Variants in MRPL55 observed in about 807,000 individuals in gnomAD.
MRPL55 encodes the protein large ribosomal subunit protein mL55.
A neutral mutation model predicts 10.6 loss-of-function variants in MRPL55; 7 were observed. That is an observed-to-expected ratio of 0.66 (90% CI 0.38 to 1.24). MRPL55 has a LOEUF of 1.24. MRPL55 is among the 50% of genes most tolerant of loss of function. MRPL55 has a pLI of 0.02. For synonymous variants in MRPL55, 57 were observed against 71.8 expected (o/e 0.79, Z 1.04); for missense variants, 148 against 180.3 (o/e 0.82, Z 1.03).
At position 228,108,237 on chromosome 1, in the gene MRPL55, A is replaced by G. The variant is rs2033410420; in HGVS notation, c.24T>C (p.Leu8=). 4 of 1,611,120 alleles carry G rather than the reference A, an allele frequency of 2.5e-6. No individual in the cohort carries two copies. The East Asian group carries it at 8.9e-5, about 36-fold the overall frequency. MAAVGSL[L]GRLRQSTVKA... is the part of the protein sequence containing the mutation. ...GGGACCTAAAAGTCCATGCTTACCC[A>G]AGCAGGCTGCCCACGGCCGCCATTC... Residue 8 remains leucine (L), a splice_region_variant and synonymous_variant, in exon 3 of 5, where the codon CTT becomes CTC. Transcript: ENST00000336520.
rs770978588 is a variant in MRPL55 at position 228,107,809 on chromosome 1, G to A, written c.87C>T (p.Ser29=). ...CCCTGCTGCTGTCAGCTCGCCAGGA[G>A]GATGTGTGCAGGCGGCGGAGTGCAG... The part of the protein sequence containing the change: ...TGPALRRLHT[S]SWRADSSRAS... The change falls in exon 4 of 5, where the codon TCC becomes TCT. Residue 29 remains serine, a synonymous_variant. Coordinates refer to ENST00000336520, the MANE Select transcript of MRPL55 (RefSeq NM_181463.3). 8.7e-6 allele frequency: 14 copies of A among 1,613,158 alleles called. No homozygotes were observed. In the Admixed American group the frequency reaches 1.5e-4, roughly 17 times the overall value.
Position 228,108,226 on chromosome 1 carries a change from C to T in MRPL55, c.26+9G>A. 1 of 1,610,524 alleles carries T rather than the reference C, an allele frequency of 6.2e-7. No individual in the cohort carries two copies. The highest frequency in any genetic ancestry group is 1.7e-5 in the Admixed American group (1 of 59,730). ...AGTAATCCCCAGGGACCTAAAAGTC[C>T]ATGCTTACCCAAGCAGGCTGCCCAC... On this transcript the variant is annotated intron_variant, in intron 3 of 4. Transcript: ENST00000336520.
At position 228,109,260 on chromosome 1, in the gene MRPL55, C is replaced by A. The variant is rs905053436; in HGVS notation, c.-237G>T. On this transcript the variant is annotated 5_prime_UTR_variant, in exon 1 of 5. Coordinates refer to ENST00000336520, the MANE Select transcript of MRPL55 (RefSeq NM_181463.3). The stretch of plus-strand genomic sequence containing the variant: ...GCCACGCAGGAGATCAAGGTACTCA[C>A]TGCGTTGGGTGCTGCTGCGCTGCAG... The A allele has an allele frequency of 2.0e-5, 3 of 152,528 alleles. No individual in the cohort carries two copies. Among genetic ancestry groups the A allele is most frequent in the African/African-American group, 7.2e-5 (3 of 41,478 alleles). The allele number at this position is 152,528 out of a possible 1,614,324, so 9.4% of individuals were successfully genotyped here.
chr1:228,108,418 T>A, intron 2 of MRPL55, 100 bp from the exon 3 acceptor site: 1 of 750,236 alleles, frequency 1.3e-6, no homozygotes, highest in South Asian at 1.9e-5. Flanking sequence ...AAGACACATG[T>A]AATCACCACG....
intron 4 of MRPL55, among the ~76,000 whole-genome samples, chr1:228,107,427 A>G (rs185089116): frequency 2.6e-5 from 4 of 152,312 alleles, no homozygotes; most frequent in Admixed American, 2.6e-4. Flanking sequence ...CTGTCTCAAA[A>G]AAATAAATTT....
intron 4 of MRPL55, among the ~76,000 whole-genome samples, chr1:228,107,145 T>C (rs1173871751): frequency 1.3e-5 from 2 of 152,262 alleles, no homozygotes; most frequent in Non-Finnish European, 2.9e-5. Context: ...CCAGGCATGA[T>C]GGCTCACTCA....
At chr1:228,107,979 G>T in intron 3 of MRPL55, 110 bp from the exon 4 acceptor site, 1 of 1,551,516 alleles carries the variant, frequency 6.4e-7, no homozygotes, top group Non-Finnish European at 8.7e-7. Flanking sequence ...GACATTACCA[G>T]AGCTGGTGAC....
chr1:228,107,823 G>C lies in MRPL55; in HGVS notation c.73C>G (p.Arg25Gly). ...TVKATGPALR[R>G]LHTSSWRADS... ...GCTCGCCAGGAGGATGTGTGCAGGC[G>C]GCGGAGTGCAGGTCCGGTGGCCTTC... The change falls in exon 4 of 5, where the codon CGC becomes GGC. Residue 25 changes from arginine to glycine, a missense_variant. Coordinates refer to ENST00000336520, the MANE Select transcript of MRPL55 (RefSeq NM_181463.3). 1 of 1,613,222 alleles carries C rather than the reference G, an allele frequency of 6.2e-7. No homozygotes were observed.
At chr1:228,108,703 G>A (rs1252560593) in intron 2 of MRPL55, 2 of 180,878 alleles carry the variant, frequency 1.1e-5, no homozygotes, top group African/African-American at 4.7e-5. Context: ...GCTTAAAGGA[G>A]AATGGAGGCC....
chr1:228,109,009 C>T lies in MRPL55; in HGVS notation c.-113G>A, dbSNP rs564381343. The stretch of plus-strand genomic sequence containing the variant: ...GGGTCTTCGGGGAAAGCTCCCTCTC[C>T]TTTCCTGCTAGACTGCATGGGGACA... On this transcript the variant is annotated 5_prime_UTR_variant, in exon 2 of 5. Transcript: ENST00000336520. 6.5e-6 allele frequency: 1 copy of T among 152,844 alleles called. No individual in the cohort carries two copies. Among genetic ancestry groups the T allele is most frequent in the East Asian group, 1.9e-4 (1 of 5,202 alleles). The allele number at this position is 152,844 out of a possible 1,614,324, so 9.5% of individuals were successfully genotyped here.
Position 228,107,786 on chromosome 1 carries a change from C to T in MRPL55, c.110G>A (p.Arg37Lys). The T allele has an allele frequency of 6.2e-7, 1 of 1,613,316 alleles. No homozygotes were observed. Among genetic ancestry groups the T allele is most frequent in the Non-Finnish European group, 8.5e-7 (1 of 1,180,042 alleles). The change falls in exon 4 of 5, where the codon AGG becomes AAG. Residue 37 changes from arginine to lysine, a missense_variant. Physicochemically the swap from Arg to Lys is conservative, Grantham distance 26. Transcript: ENST00000336520. The part of the protein sequence containing the change: ...HTSSWRADSS[R>K]ASLTRVHRQA... Reference sequence around the variant, plus strand: ...GCGGTGCACACGAGTGAGTGAGGCCCTGCTGCTGTCAGCTCGCCAGGAGGA... The same window carrying T: ...GCGGTGCACACGAGTGAGTGAGGCCTTGCTGCTGTCAGCTCGCCAGGAGGA...
chr1:228,107,243 A>T (rs183557984), intron 4 of MRPL55, among the ~76,000 whole-genome samples: 13 of 151,998 alleles, frequency 8.6e-5, no homozygotes, highest in Non-Finnish European at 1.9e-4. Flanking sequence ...ACACAGAGAG[A>T]CCCCATCTCT....
At chr1:228,107,050 TG>T in intron 4 of MRPL55, 132 bp from the exon 5 acceptor site, 1 of 652,102 alleles carries the variant, frequency 1.5e-6, no homozygotes, top group South Asian at 2.1e-5. Flanking sequence ...ACATTCTTAT[TG>T]GTCTCTCCCT....
At chr1:228,108,482 G>A (rs746518857) in intron 2 of MRPL55, 164 bp from the exon 3 acceptor site, 3 of 558,832 alleles carry the variant, frequency 5.4e-6, no homozygotes, top group Non-Finnish European at 9.6e-6. Flanking sequence ...CGCCTGTAGA[G>A]GTTTTTCCAA....
intron 2 of MRPL55, 197 bp from the exon 3 acceptor site, chr1:228,108,515 C>G: frequency 3.8e-6 from 2 of 530,746 alleles, no homozygotes; most frequent in Non-Finnish European, 3.3e-6. Context: ...GTCACTACTC[C>G]CAAAGATTCT....
intron 4 of MRPL55, 23 bp from the exon 5 acceptor site, chr1:228,106,941 C>T (rs371674227): frequency 1.4e-5 from 23 of 1,601,494 alleles, no homozygotes; most frequent in Admixed American, 5.0e-5. Context: ...GACCAAGTTT[C>T]GTCCATGTGG....
intron 3 of MRPL55, 137 bp from the exon 4 acceptor site, chr1:228,108,006 T>G: frequency 6.5e-7 from 1 of 1,544,814 alleles, no homozygotes; most frequent in Non-Finnish European, 8.8e-7. Flanking sequence ...CGGGGCAGGA[T>G]GAGCCTCGGG....
At chr1:228,108,646 A>G in intron 2 of MRPL55, 1 of 251,980 alleles carries the variant, frequency 4.0e-6, no homozygotes, top group South Asian at 8.0e-5. Flanking sequence ...TTCTAAGGTC[A>G]TTGCTAGTTT....
chr1:228,107,624 G>C (rs2033285494), intron 4 of MRPL55, 44 bp downstream of exon 4: 1 of 1,592,342 alleles, frequency 6.3e-7, no homozygotes, highest in Non-Finnish European at 8.6e-7. Context: ...CCACAGCCTC[G>C]ACCCCAGCCC....
Sources: gnomAD v4.1 joint callset for allele counts (sites outside exome capture counted in the v4.1 genomes callset) on GRCh38, gnomAD v4.1.1 for gene constraint, MANE v1.5 for transcripts, NCBI Gene and HGNC (gene_info 2026-07-23, HGNC 2026-07-21) for gene names.